LRRC9: variants seen among roughly 807,000 people sequenced by gnomAD.
LRRC9 encodes the protein leucine rich repeat containing 9.
A neutral mutation model predicts 63.2 loss-of-function variants in LRRC9; 122 were observed. The observed-to-expected ratio is 1.93, with a 90% CI of 1.67 to 2.24. The LOEUF is 2.24. LRRC9 is among the 30% of genes most tolerant of loss of function. The probability of loss-of-function intolerance (pLI) is 0.00; values close to 1 mark genes in which losing one functional copy is unlikely to be tolerated. For missense variants in LRRC9, 1,071 were observed against 627.7 expected, an observed-to-expected ratio of 1.71 and a Z score of -7.55; for synonymous variants, 366 against 213.1, an observed-to-expected ratio of 1.72 and a Z score of -6.25.
chr14:59,957,884 C>G (rs1461145932), intron 8 of LRRC9, among the ~76,000 whole-genome samples: 1 of 152,148 alleles, frequency 6.6e-6, no homozygotes, highest in Non-Finnish European at 1.5e-5. Context: ...TAACAGGCCC[C>G]TCTTCTGCAG....
chr14:59,980,167 A>G (rs570088246), intron 15 of LRRC9, among the ~76,000 whole-genome samples: 33 of 152,236 alleles, frequency 2.2e-4, no homozygotes, highest in African/African-American at 4.8e-4. Flanking sequence ...TAGCTTTTTT[A>G]ATCCATCTAG....
intron 31 of LRRC9, among the ~76,000 whole-genome samples, 169 bp from the exon 32 acceptor site, chr14:60,061,842 C>T (rs141152489): frequency 2.7e-4 from 41 of 152,308 alleles, no homozygotes; most frequent in African/African-American, 8.9e-4. Flanking sequence ...GCTAAAAATA[C>T]ATTATAATTC....
At chr14:60,010,479 G>A (rs891449100) in intron 23 of LRRC9, among the ~76,000 whole-genome samples, 8 of 152,116 alleles carry the variant, frequency 5.3e-5, no homozygotes, top group African/African-American at 1.7e-4. Flanking sequence ...TTCCCTCCTA[G>A]GCCTCCAGGC....
exon 22 of LRRC9, chr14:60,006,424 G>C: frequency 1.4e-6 from 1 of 690,334 alleles, no homozygotes; most frequent in Non-Finnish European, 2.6e-6. Flanking sequence ...AAATTAACTC[G>C]CCTCAGCATA....
At position 59,978,102 on chromosome 14, in the gene LRRC9, AT is replaced by A. The variant is rs1886509349; in HGVS notation, c.1849del (p.Tyr617MetfsTer25). On this transcript the variant is annotated frameshift_variant, in exon 15 of 32. Transcript: ENST00000445360. LOFTEE classifies it high-confidence loss of function. ...TTGATCATGACCTTGTTTTGCCGGA[AT>A]ATGTTGTTGAATTTGAGTATATTAC... 1 of 702,184 alleles carries A rather than the reference AT, an allele frequency of 1.4e-6. No homozygotes were observed. Among genetic ancestry groups the A allele is most frequent in the Non-Finnish European group, 2.6e-6 (1 of 384,536 alleles). 43.5% of individuals were successfully genotyped at this position (702,184 alleles called of 1,614,324 possible).
chr14:59,952,567 C>T (rs915210577), intron 8 of LRRC9, among the ~76,000 whole-genome samples: 1 of 152,140 alleles, frequency 6.6e-6, no homozygotes, highest in Non-Finnish European at 1.5e-5. Context: ...TAGAGGAGTA[C>T]AGATAACTAT....
At chr14:60,032,143 G>T in intron 29 of LRRC9, 80 bp downstream of exon 29, 2 of 628,200 alleles carry the variant, frequency 3.2e-6, no homozygotes, top group Non-Finnish European at 5.7e-6. Flanking sequence ...TATTAGAAAG[G>T]GATTTAGTTT....
chr14:60,025,088 T>A (rs201425525), intron 27 of LRRC9, among the ~76,000 whole-genome samples: 1 of 151,360 alleles, frequency 6.6e-6, no homozygotes, highest in Non-Finnish European at 1.5e-5. Context: ...TTATTTTTTA[T>A]TTTATTATTT....
chr14:59,963,025 T>A (rs989444346), intron 10 of LRRC9, among the ~76,000 whole-genome samples: 1 of 152,236 alleles, frequency 6.6e-6, no homozygotes, highest in African/African-American at 2.4e-5. Context: ...CTTTTATGTA[T>A]GTTAAGAAAT....
rs776400685 is a variant in LRRC9 at position 59,977,275 on chromosome 14, GA to G, written c.1695del (p.Glu566AsnfsTer22). On this transcript the variant is annotated frameshift_variant, in exon 14 of 32. Transcript: ENST00000445360. LOFTEE classifies it high-confidence loss of function. ...CCTTGGCCAGAGTGTTCAGGCCCAT[GA>G]AAAAGAATCCATCAGTCAATCCAAC... The G allele has an allele frequency of 1.4e-6, 1 of 700,806 alleles. No individual in the cohort carries two copies. Among genetic ancestry groups the G allele is most frequent in the South Asian group, 1.5e-5 (1 of 67,156 alleles). 43.4% of individuals were successfully genotyped at this position (700,806 alleles called of 1,614,324 possible). A position where few individuals can be genotyped will look rare whatever the true frequency, so the allele number is the denominator to read the frequency against.
chr14:60,054,925 C>G (rs1410443635), intron 30 of LRRC9, among the ~76,000 whole-genome samples: 3 of 152,104 alleles, frequency 2.0e-5, no homozygotes, highest in Non-Finnish European at 4.4e-5. Flanking sequence ...TCATACCAGG[C>G]TAATTTTTGT....
intron 8 of LRRC9, among the ~76,000 whole-genome samples, chr14:59,957,351 G>C (rs1291642589): frequency 1.3e-5 from 2 of 151,776 alleles, no homozygotes; most frequent in Admixed American, 6.6e-5. Context: ...CTCTAATCTT[G>C]TCTTCATGCC....
chr14:59,958,126 C>A lies in LRRC9; in HGVS notation c.883-1692C>A, dbSNP rs1021387022. On this transcript the variant is annotated intron_variant, in intron 8 of 31. Coordinates refer to ENST00000445360, the Ensembl canonical transcript of LRRC9. The surrounding 1 kb of genome is among the most constrained non-coding windows in gnomAD (Gnocchi z 4.0). ...GGGGTCAGGAACCCACTTGAGCAGG[C>A]AGTCTGTCCCTTAGCAGAGCTGGTG... Among the ~76,000 whole-genome samples, 1 of 152,220 alleles carries A rather than the reference C, an allele frequency of 6.6e-6. No individual in the cohort carries two copies.
chr14:60,066,512 G>A (rs462176), downstream of LRRC9, among the ~76,000 whole-genome samples: 113,562 of 151,992 alleles, frequency 0.75, 44,536 homozygotes, highest in Non-Finnish European at 0.87. Context: ...GCTAGAAACC[G>A]GCTGGTTTTT....
intron 26 of LRRC9, among the ~76,000 whole-genome samples, chr14:60,020,987 T>C (rs752333368): frequency 9.9e-5 from 15 of 151,994 alleles, no homozygotes; most frequent in Admixed American, 6.6e-4. Flanking sequence ...ATTTTCATTA[T>C]GTTTATTTTG....
rs537914707 is a variant in LRRC9 at position 60,048,757 on chromosome 14, A to G, written c.3991-4308A>G. On this transcript the variant is annotated intron_variant, in intron 29 of 31. Coordinates refer to ENST00000445360, the Ensembl canonical transcript of LRRC9. ...CTACTGAAATTATTCCAAAAAATTGAAAAGGAGGGTCTCCACCCTAACTCA... is the reference window on the plus strand; with the variant it reads ...CTACTGAAATTATTCCAAAAAATTGGAAAGGAGGGTCTCCACCCTAACTCA... Among the ~76,000 whole-genome samples, 46 of 152,348 alleles carry G rather than the reference A, an allele frequency of 3.0e-4. 1 individual carries two copies. The South Asian group carries it at 9.5e-3, about 32-fold the overall frequency.
chr14:59,995,778 C>CTAT (rs1594975315), intron 17 of LRRC9, among the ~76,000 whole-genome samples: 1 of 151,318 alleles, frequency 6.6e-6, no homozygotes, highest in Non-Finnish European at 1.5e-5. Context: ...GAATGTTGCT[C>CTAT]TATAGCCAGG....
chr14:60,053,750 A>G lies in LRRC9; in HGVS notation c.4131+545A>G. On this transcript the variant is annotated intron_variant, in intron 30 of 31. Coordinates refer to ENST00000445360, the Ensembl canonical transcript of LRRC9. This position sits in a 1 kb window ranked among gnomAD's most constrained non-coding sequence, Gnocchi z 4.8. ...AATGTATCTGATCATGGTAGGAAAGAGATTAAAAAGGGAAGAAATAATAAA... is the reference window on the plus strand; with the variant it reads ...AATGTATCTGATCATGGTAGGAAAGGGATTAAAAAGGGAAGAAATAATAAA... The G allele has an allele frequency of 2.8e-6, 1 of 356,398 alleles. No homozygotes were observed. Among genetic ancestry groups the G allele is most frequent in the South Asian group, 2.3e-5 (1 of 44,346 alleles). The allele number at this position is 356,398 out of a possible 1,614,324, so 22.1% of individuals were successfully genotyped here.
At chr14:60,002,922 C>G (rs1889506698) in intron 20 of LRRC9, among the ~76,000 whole-genome samples, 1 of 152,106 alleles carries the variant, frequency 6.6e-6, no homozygotes, top group Admixed American at 6.5e-5. Context: ...AGTCAGGTAT[C>G]CTGACAAGGG....
Sources: allele counts gnomAD v4.1 joint callset (sites outside exome capture counted in the v4.1 genomes callset), GRCh38; gene constraint gnomAD v4.1.1; non-coding constraint Gnocchi (gnomAD v3.1); transcripts MANE v1.5; gene names NCBI Gene and HGNC (gene_info 2026-07-23, HGNC 2026-07-21).